DOCK9: variants seen among roughly 807,000 people sequenced by gnomAD.
DOCK9 encodes dedicator of cytokinesis protein 9.
In DOCK9, 89 loss-of-function variants were observed where a neutral mutation model predicts 263.3. The observed-to-expected ratio is 0.34, with a 90% confidence interval of 0.28 to 0.40. The LOEUF is 0.40. Among genes scored for constraint, DOCK9 ranks in the 10% least tolerant of loss-of-function variants. DOCK9 has a pLI of 1.00. For missense variants in DOCK9, 2,140 were observed against 2,603.4 expected (o/e 0.82, Z 3.87); for synonymous variants, 976 against 973.1 (o/e 1.00, Z -0.06).
At chr13:98,930,055 A>G in intron 3 of DOCK9, 113 bp downstream of exon 3, 1 of 939,636 alleles carries the variant, frequency 1.1e-6, no homozygotes, top group Non-Finnish European at 1.6e-6. Context: ...CTTCCATCAT[A>G]GAAATACAAT....
intron 1 of DOCK9, among the ~76,000 whole-genome samples, chr13:98,996,552 C>T (rs987044215): frequency 2.6e-5 from 4 of 152,222 alleles, no homozygotes; most frequent in Non-Finnish European, 5.9e-5. Flanking sequence ...AATTTCTGAC[C>T]TGGAGGGGAT....
intron 1 of DOCK9, among the ~76,000 whole-genome samples, chr13:98,985,023 G>A (rs921188941): frequency 1.6e-5 from 2 of 126,106 alleles, no homozygotes; most frequent in Non-Finnish European, 3.2e-5. Context: ...CAGACAACAA[G>A]AACATAACAG....
chr13:99,010,331 G>T (rs1052806546), intron 1 of DOCK9, among the ~76,000 whole-genome samples: 3 of 152,186 alleles, frequency 2.0e-5, no homozygotes, highest in African/African-American at 7.2e-5. Context: ...TAGCCAGAAG[G>T]CTAGCCCCAT....
chr13:98,846,388 T>C, intron 37 of DOCK9: 1 of 711,180 alleles, frequency 1.4e-6, no homozygotes, highest in South Asian at 1.5e-5. Context: ...ACGTCACTAA[T>C]CTTTTTGGAT....
chr13:98,850,453 C>T (rs906930670), intron 35 of DOCK9, among the ~76,000 whole-genome samples: 4 of 152,190 alleles, frequency 2.6e-5, no homozygotes, highest in Admixed American at 6.5e-5. Flanking sequence ...AACCTAAAGC[C>T]GGGCTCTCTT....
chr13:99,022,117 T>TCA (rs1886189533), intron 1 of DOCK9, among the ~76,000 whole-genome samples: 1 of 152,174 alleles, frequency 6.6e-6, no homozygotes, highest in African/African-American at 2.4e-5. Context: ...AATTTATCCA[T>TCA]CATCTATTTT....
intron 1 of DOCK9, among the ~76,000 whole-genome samples, chr13:99,042,470 G>A (rs562049980): frequency 1.5e-4 from 23 of 152,280 alleles, no homozygotes; most frequent in African/African-American, 4.8e-4. Flanking sequence ...TGAGTCCCAC[G>A]GTCTGCTTGG....
At chr13:98,924,056 T>G (rs1445587589) in intron 4 of DOCK9, among the ~76,000 whole-genome samples, 1 of 152,194 alleles carries the variant, frequency 6.6e-6, no homozygotes, top group African/African-American at 2.4e-5. Context: ...AGATAGTAAG[T>G]ATACGACATG....
In DOCK9 at chr13:98,829,871, T is replaced by C; in HGVS notation, c.4636-115A>G. On this transcript the variant is annotated intron_variant, in intron 41 of 52. Coordinates refer to ENST00000682017, the MANE Select transcript of DOCK9 (RefSeq NM_001366683.2). This position sits in a 1 kb window ranked among gnomAD's most constrained non-coding sequence, Gnocchi z 4.1. ...ACCCAGCAAAGTGGGGGTTGGGGGG[T>C]GCTTTGAGCAGGGGTCGCTCCGTGT... 2 of 817,860 alleles carry C rather than the reference T, an allele frequency of 2.4e-6. No individual in the cohort carries two copies. The highest frequency in any genetic ancestry group is 2.0e-6 in the Non-Finnish European group (1 of 494,212). 50.7% of individuals were successfully genotyped at this position (817,860 alleles called of 1,614,324 possible).
intron 27 of DOCK9, among the ~76,000 whole-genome samples, chr13:98,874,865 C>G (rs1034741555): frequency 8.5e-5 from 13 of 152,120 alleles, no homozygotes; most frequent in African/African-American, 2.2e-4. Context: ...AGTTCATCTG[C>G]TGCTTGGCTT....
intron 8 of DOCK9, 32 bp downstream of exon 8, chr13:98,915,297 G>A (rs2050710643): frequency 1.2e-6 from 2 of 1,604,800 alleles, no homozygotes; most frequent in South Asian, 1.1e-5. Flanking sequence ...CACAGAGTGT[G>A]TATGTGCCTG....
chr13:98,827,513 G>A (rs1198121670), intron 43 of DOCK9, among the ~76,000 whole-genome samples: 1 of 152,256 alleles, frequency 6.6e-6, no homozygotes, highest in African/African-American at 2.4e-5. Context: ...ATGCGGTTCT[G>A]TGCCTGTCAG....
chr13:98,941,784 A>G (rs775255813), intron 2 of DOCK9, among the ~76,000 whole-genome samples: 1 of 152,164 alleles, frequency 6.6e-6, no homozygotes, highest in Non-Finnish European at 1.5e-5. Flanking sequence ...CAGCCTCCTC[A>G]AAAATAAAAT....
At chr13:99,038,453 C>T (rs1053622566) in intron 1 of DOCK9, among the ~76,000 whole-genome samples, 2 of 151,528 alleles carry the variant, frequency 1.3e-5, no homozygotes, top group Non-Finnish European at 2.9e-5. Context: ...TACAGGCACC[C>T]ACCACCACGC....
intron 1 of DOCK9, among the ~76,000 whole-genome samples, chr13:99,030,640 A>G (rs536440224): frequency 6.6e-6 from 1 of 152,358 alleles, no homozygotes; most frequent in Admixed American, 6.5e-5. Flanking sequence ...TGCTTTAGGA[A>G]TGCCTCTTAA....
rs2045448565 is a variant in DOCK9, at chr13:98,884,968, T to C, written c.2382+3A>G. The C allele has an allele frequency of 6.2e-7, 1 of 1,612,880 alleles. No individual in the cohort carries two copies. Among genetic ancestry groups the C allele is most frequent in the Non-Finnish European group, 8.5e-7 (1 of 1,179,414 alleles). On this transcript the variant is annotated splice_donor_region_variant and intron_variant, in intron 21 of 52. Transcript: ENST00000682017. ...GATGACCCAATCTTAAAATGGGACATACCCTGCCCATCCCAAGCTCCTGGT... is the reference window on the plus strand; with the variant it reads ...GATGACCCAATCTTAAAATGGGACACACCCTGCCCATCCCAAGCTCCTGGT...
intron 37 of DOCK9, chr13:98,846,640 A>G (rs2093401420): frequency 9.3e-7 from 1 of 1,070,386 alleles, no homozygotes; most frequent in Admixed American, 1.9e-5. Flanking sequence ...TACCATCACC[A>G]GAGCAGATGA....
intron 1 of DOCK9, among the ~76,000 whole-genome samples, chr13:98,973,617 G>C (rs534885014): frequency 6.6e-6 from 1 of 152,256 alleles, no homozygotes; most frequent in East Asian, 1.9e-4. Context: ...TTTTCTTTGA[G>C]ACAAGGTCTT....
In DOCK9 at chr13:98,901,760, C is replaced by G. The variant is rs757114489; in HGVS notation, c.1503+18G>C. On this transcript the variant is annotated intron_variant, in intron 13 of 52. Coordinates refer to ENST00000682017, the MANE Select transcript of DOCK9 (RefSeq NM_001366683.2). ...CAGATTGCTTTTTACCACCCCAAAGCGTAAAAGCCATTCATACCTTAGAAG... is the reference window on the plus strand; with the variant it reads ...CAGATTGCTTTTTACCACCCCAAAGGGTAAAAGCCATTCATACCTTAGAAG... The G allele has an allele frequency of 6.2e-6, 10 of 1,610,664 alleles. No individual in the cohort carries two copies. The highest frequency in any genetic ancestry group is 8.5e-6 in the Non-Finnish European group (10 of 1,178,320).
Sources: allele counts gnomAD v4.1 joint callset (sites outside exome capture counted in the v4.1 genomes callset), GRCh38; gene constraint gnomAD v4.1.1; non-coding constraint Gnocchi (gnomAD v3.1); transcripts MANE v1.5; gene names NCBI Gene and HGNC (gene_info 2026-07-23, HGNC 2026-07-21).